Variants in CCSER2 observed in about 807,000 individuals in gnomAD.
CCSER2 encodes serine-rich coiled-coil domain-containing protein 2.
Under a neutral mutation model 92.3 loss-of-function variants are expected in CCSER2, and 46 were observed. The observed-to-expected ratio is 0.50, with a 90% CI of 0.39 to 0.64. The LOEUF (loss-of-function observed/expected upper bound fraction) is 0.64, where lower values mean the gene tolerates loss of function less well. CCSER2 is among the 30% of genes least tolerant of loss of function. CCSER2 has a pLI of 0.00. For missense variants in CCSER2, 1,244 were observed against 1,238.9 expected (o/e 1.00, Z -0.06); for synonymous variants, 433 against 431.4 (o/e 1.00, Z -0.04).
intron 9 of CCSER2, among the ~76,000 whole-genome samples, chr10:84,504,487 C>T (rs1480315691): frequency 6.6e-6 from 1 of 152,084 alleles, no homozygotes; most frequent in African/African-American, 2.4e-5. Context: ...TTGCCATTTG[C>T]CTGCTTATCC....
chr10:84,423,712 C>T (rs371495550), intron 4 of CCSER2, among the ~76,000 whole-genome samples: 216 of 152,120 alleles, frequency 1.4e-3, no homozygotes, highest in African/African-American at 4.7e-3. Context: ...ATTATCCCTT[C>T]GTTATATAGA....
At chr10:84,428,046 C>T (rs1306716630) in intron 5 of CCSER2, among the ~76,000 whole-genome samples, 1 of 152,148 alleles carries the variant, frequency 6.6e-6, no homozygotes, top group African/African-American at 2.4e-5. Flanking sequence ...AAAGGCTTGG[C>T]CCTTAGCCCA....
chr10:84,449,858 C>CA (rs1440985243), intron 6 of CCSER2, among the ~76,000 whole-genome samples: 1 of 152,086 alleles, frequency 6.6e-6, no homozygotes, highest in Non-Finnish European at 1.5e-5. Flanking sequence ...AAAAACAAAA[C>CA]AAACAAACAA....
intron 3 of CCSER2, among the ~76,000 whole-genome samples, chr10:84,374,930 CA>C (rs1290372910): frequency 6.6e-6 from 1 of 152,090 alleles, no homozygotes; most frequent in Non-Finnish European, 1.5e-5. Flanking sequence ...ATTGCACAAA[CA>C]TTTTTTTTAA....
rs1053324079 is a variant in CCSER2, at chr10:84,515,157, G to C, written c.*890G>C. 2.0e-5 allele frequency: 3 copies of C among 152,452 alleles called. No individual in the cohort carries two copies. The East Asian group carries it at 5.8e-4, about 29-fold the overall frequency. The allele number at this position is 152,452 out of a possible 1,614,324, so 9.4% of individuals were successfully genotyped here. ...GTGGATCCATGATAGCCATTTTAAGGTTCCACAGCATTATGTCTTTAATTG... is the reference window on the plus strand; with the variant it reads ...GTGGATCCATGATAGCCATTTTAAGCTTCCACAGCATTATGTCTTTAATTG... On this transcript the variant is annotated 3_prime_UTR_variant, in exon 10 of 10. Coordinates refer to ENST00000372088, the MANE Select transcript of CCSER2 (RefSeq NM_001284240.2).
chr10:84,402,333 C>G (rs1842162689), intron 3 of CCSER2, among the ~76,000 whole-genome samples: 3 of 151,922 alleles, frequency 2.0e-5, no homozygotes, highest in Admixed American at 2.0e-4. Flanking sequence ...GAGTTTTATT[C>G]AAAATAAAGA....
At chr10:84,503,079 C>CG (rs1848852540) in intron 9 of CCSER2, among the ~76,000 whole-genome samples, 3 of 151,924 alleles carry the variant, frequency 2.0e-5, no homozygotes, top group Admixed American at 1.3e-4. Context: ...GAAAAATTAG[C>CG]GGGGCGTGGT....
intron 1 of CCSER2, among the ~76,000 whole-genome samples, chr10:84,347,679 A>G (rs1411398939): frequency 1.4e-5 from 2 of 144,618 alleles, no homozygotes; most frequent in African/African-American, 5.3e-5. Flanking sequence ...TGCCGGGCGG[A>G]GGGGCTCCTC....
chr10:84,494,991 T>TC (rs1394941265), intron 9 of CCSER2, among the ~76,000 whole-genome samples: 2 of 125,690 alleles, frequency 1.6e-5, no homozygotes, highest in Non-Finnish European at 3.8e-5. Context: ...TTTTTTTTTT[T>TC]CTTTCTTCTT....
At chr10:84,495,562 C>T (rs566887473) in intron 9 of CCSER2, among the ~76,000 whole-genome samples, 1 of 152,178 alleles carries the variant, frequency 6.6e-6, no homozygotes, top group South Asian at 2.1e-4. Context: ...GTTGAGCTCT[C>T]CAACTGTAAT....
intron 1 of CCSER2, among the ~76,000 whole-genome samples, chr10:84,346,138 C>T (rs1460795158): frequency 4.6e-5 from 7 of 152,212 alleles, no homozygotes; most frequent in Admixed American, 3.9e-4. Context: ...AATCTCGGCT[C>T]ACCGCAACCT....
chr10:84,351,304 G>T (rs1042778046), intron 1 of CCSER2, among the ~76,000 whole-genome samples: 1 of 151,888 alleles, frequency 6.6e-6, no homozygotes, highest in South Asian at 2.1e-4. Context: ...GCAGTGGTGT[G>T]ATCTCAGATC....
chr10:84,387,268 G>A (rs115539096), intron 3 of CCSER2, among the ~76,000 whole-genome samples: 2,264 of 152,054 alleles, frequency 0.015, 56 homozygotes, highest in African/African-American at 0.051. Flanking sequence ...TCAATGATGA[G>A]ACCCCATGGC....
At chr10:84,336,775 C>T (rs1278905622) in intron 1 of CCSER2, among the ~76,000 whole-genome samples, 2 of 152,190 alleles carry the variant, frequency 1.3e-5, no homozygotes, top group Non-Finnish European at 2.9e-5. Context: ...ATAAGTAGAA[C>T]TCTCAGCTGC....
intron 5 of CCSER2, among the ~76,000 whole-genome samples, chr10:84,428,023 C>T (rs1843533274): frequency 6.6e-6 from 1 of 152,136 alleles, no homozygotes; most frequent in Non-Finnish European, 1.5e-5. Flanking sequence ...CTGGTTCCTA[C>T]CTGGAGCTTA....
At chr10:84,359,731 A>T (rs1054892797) in intron 1 of CCSER2, among the ~76,000 whole-genome samples, 1 of 152,016 alleles carries the variant, frequency 6.6e-6, no homozygotes, top group African/African-American at 2.4e-5. Context: ...GAGAAGGAGG[A>T]TAATGTGGAA....
rs1341867889 is a variant in CCSER2 at position 84,476,603 on chromosome 10, C to T, written c.2236-972C>T. ...GGACTACAGGTGCCCGCCACCACATCCGGCAAATTTTTTGTATTTTTAGTA... is the reference window on the plus strand; with the variant it reads ...GGACTACAGGTGCCCGCCACCACATTCGGCAAATTTTTTGTATTTTTAGTA... On this transcript the variant is annotated intron_variant, in intron 8 of 9. Coordinates refer to ENST00000372088, the MANE Select transcript of CCSER2 (RefSeq NM_001284240.2). 2.6e-5 allele frequency among the ~76,000 whole-genome samples: 4 copies of T among 152,006 alleles called. No homozygotes were observed. The East Asian group carries it at 5.8e-4, about 22-fold the overall frequency.
At chr10:84,359,263 T>A (rs1488576036) in intron 1 of CCSER2, among the ~76,000 whole-genome samples, 2 of 152,122 alleles carry the variant, frequency 1.3e-5, no homozygotes, top group African/African-American at 4.8e-5. Flanking sequence ...TTCATTTATC[T>A]CCCCCTGGTG....
chr10:84,480,403 ACTC>A (rs749186258), intron 9 of CCSER2, among the ~76,000 whole-genome samples: 3 of 151,898 alleles, frequency 2.0e-5, no homozygotes, highest in Admixed American at 6.6e-5. Context: ...TAATAAGAAA[ACTC>A]CTCTACAACC....
Sources: gnomAD v4.1 joint callset for allele counts (sites outside exome capture counted in the v4.1 genomes callset) on GRCh38, gnomAD v4.1.1 for gene constraint, MANE v1.5 for transcripts, NCBI Gene and HGNC (gene_info 2026-07-23, HGNC 2026-07-21) for gene names.